Variants in ASH1L observed in about 807,000 individuals in gnomAD.
ASH1L encodes the protein histone-lysine N-methyltransferase ASH1L.
Under a neutral mutation model 269.0 loss-of-function variants are expected in ASH1L, and 23 were observed. The observed-to-expected ratio is 0.09, with a 90% CI of 0.06 to 0.12. ASH1L has a LOEUF of 0.12. Among genes scored for constraint, ASH1L ranks in the 10% least tolerant of loss-of-function variants. The probability of loss-of-function intolerance (pLI) is 1.00; values close to 1 mark genes in which losing one functional copy is unlikely to be tolerated. For synonymous variants in ASH1L, 1,187 were observed against 1,253.5 expected (o/e 0.95, Z 1.12); for missense variants, 2,912 against 3,567.8 (o/e 0.82, Z 4.68).
chr1:155,343,234 G>T lies in ASH1L; in HGVS notation c.8293+80C>A. 6.7e-7 allele frequency: 1 copy of T among 1,486,170 alleles called. No individual in the cohort carries two copies. The highest frequency in any genetic ancestry group is 9.1e-7 in the Non-Finnish European group (1 of 1,097,910). 92.1% of individuals were successfully genotyped at this position (1,486,170 alleles called of 1,614,324 possible). ...GGGCTTAAGCAATCTGCCTGCCTCG[G>T]CCTCCCACACCGCTGGGATTATCAG... On this transcript the variant is annotated intron_variant, in intron 24 of 27. Transcript: ENST00000392403. This position sits in a 1 kb window ranked among gnomAD's most constrained non-coding sequence, Gnocchi z 6.1.
chr1:155,429,181 C>G (rs1661417764), intron 5 of ASH1L, among the ~76,000 whole-genome samples: 1 of 152,150 alleles, frequency 6.6e-6, no homozygotes, highest in Non-Finnish European at 1.5e-5. Context: ...AAAACTACAG[C>G]AACATGCATT....
intron 1 of ASH1L, among the ~76,000 whole-genome samples, chr1:155,527,721 ACT>A (rs1415772367): frequency 1.3e-5 from 2 of 151,276 alleles, no homozygotes; most frequent in South Asian, 2.1e-4. Flanking sequence ...ATTTTTTTTC[ACT>A]GTTTTAGAGA....
At chr1:155,517,604 C>T (rs1475379155) in intron 2 of ASH1L, among the ~76,000 whole-genome samples, 1 of 151,570 alleles carries the variant, frequency 6.6e-6, no homozygotes, top group Middle Eastern at 3.2e-3. Context: ...GATCATGCCA[C>T]TGTACTCCAG....
At chr1:155,489,877 T>G (rs944404739) in intron 2 of ASH1L, among the ~76,000 whole-genome samples, 1 of 152,116 alleles carries the variant, frequency 6.6e-6, no homozygotes, top group Non-Finnish European at 1.5e-5. Context: ...CTTTCCATAC[T>G]TGTTCAATTA....
chr1:155,451,990 G>A (rs1474357455), intron 4 of ASH1L, among the ~76,000 whole-genome samples: 2 of 152,108 alleles, frequency 1.3e-5, no homozygotes, highest in African/African-American at 4.8e-5. Flanking sequence ...CAAAGTGCTG[G>A]GATTACAGAC....
chr1:155,449,498 AAAG>A (rs1197354269), intron 4 of ASH1L, among the ~76,000 whole-genome samples: 1 of 152,094 alleles, frequency 6.6e-6, no homozygotes, highest in African/African-American at 2.4e-5. Context: ...ACGCACTTCA[AAAG>A]AATATGAGAA....
chr1:155,517,959 C>T (rs2148833226), intron 2 of ASH1L, among the ~76,000 whole-genome samples: 1 of 151,368 alleles, frequency 6.6e-6, no homozygotes, highest in East Asian at 2.0e-4. Context: ...CGCCACTACG[C>T]CCGGCTAATT....
chr1:155,364,941 A>C (rs1655276380), intron 12 of ASH1L, among the ~76,000 whole-genome samples: 1 of 151,628 alleles, frequency 6.6e-6, no homozygotes, highest in Non-Finnish European at 1.5e-5. Flanking sequence ...AAAAAAAAAA[A>C]AAGGCTGCTC....
chr1:155,423,433 G>A (rs933504269), intron 5 of ASH1L, among the ~76,000 whole-genome samples: 5 of 152,014 alleles, frequency 3.3e-5, no homozygotes, highest in Non-Finnish European at 7.4e-5. Context: ...CAAAAAATTA[G>A]CCGGGTGCGG....
At chr1:155,405,310 C>G (rs551054889) in intron 6 of ASH1L, among the ~76,000 whole-genome samples, 2 of 151,948 alleles carry the variant, frequency 1.3e-5, no homozygotes, top group South Asian at 4.2e-4. Context: ...TGGTGAAACC[C>G]TGTCTCTACA....
chr1:155,521,394 G>C lies in ASH1L; in HGVS notation c.126C>G (p.Asn42Lys), dbSNP rs1468050249. 1.2e-6 allele frequency: 2 copies of C among 1,614,020 alleles called. No individual in the cohort carries two copies. Among genetic ancestry groups the C allele is most frequent in the Non-Finnish European group, 1.7e-6 (2 of 1,180,008 alleles). ...VSKREVELEK[N>K]TKEEEDLRKR... Reference sequence around the variant, plus strand: ...TGCGAAGGTCCTCTTCCTCCTTTGTGTTTTTTTCTAGCTCTACTTCTCTCT... The same window carrying C: ...TGCGAAGGTCCTCTTCCTCCTTTGTCTTTTTTTCTAGCTCTACTTCTCTCT... The change falls in exon 2 of 28, where the codon AAC becomes AAG. Residue 42 changes from asparagine (N) to lysine (K), a missense_variant. Asn to Lys is a moderately conservative substitution (Grantham distance 94). Around this residue, in one of 13 missense-constraint regions of ASH1L, gnomAD observed 115 missense variants for 101.5 expected, o/e 1.13. Coordinates refer to ENST00000392403, the MANE Select transcript of ASH1L (RefSeq NM_018489.3).
At chr1:155,376,633 C>T (rs1320776664) in intron 10 of ASH1L, among the ~76,000 whole-genome samples, 3 of 151,660 alleles carry the variant, frequency 2.0e-5, no homozygotes, top group Non-Finnish European at 2.9e-5. Flanking sequence ...GAGCTGAGAT[C>T]GTGCCACCGC....
chr1:155,403,877 G>A (rs1659049796), intron 6 of ASH1L, among the ~76,000 whole-genome samples: 1 of 150,618 alleles, frequency 6.6e-6, no homozygotes, highest in African/African-American at 2.4e-5. Context: ...GCCAATAAAG[G>A]CCGTTCCTAC....
Position 155,481,466 on chromosome 1 carries a change from A to G in ASH1L, c.1404T>C (p.Asn468=). The stretch of plus-strand genomic sequence containing the variant: ...TGCTTTCTTTATTCTGCCGTACAAC[A>G]TTCTTTTCAAAAGTTTTGCTGGTGG... The part of the protein sequence containing the change: ...DSATSKTFEK[N]VVRQNKESIL... Residue 468 remains asparagine, a synonymous_variant, in exon 3 of 28, where the codon AAT becomes AAC. Coordinates refer to ENST00000392403, the MANE Select transcript of ASH1L (RefSeq NM_018489.3). 3.1e-6 allele frequency: 5 copies of G among 1,614,070 alleles called. No individual in the cohort carries two copies. Among genetic ancestry groups the G allele is most frequent in the Non-Finnish European group, 4.2e-6 (5 of 1,179,996 alleles).
intron 2 of ASH1L, among the ~76,000 whole-genome samples, chr1:155,514,341 C>T (rs1292440524): frequency 6.6e-6 from 1 of 152,140 alleles, no homozygotes; most frequent in Non-Finnish European, 1.5e-5. Flanking sequence ...CATACATATA[C>T]ACACATTTAT....
rs763050519 is a variant in ASH1L, at chr1:155,562,764, G to A, written c.-711C>T. The A allele has an allele frequency of 9.3e-6, 9 of 971,806 alleles. No individual in the cohort carries two copies. The South Asian group carries it at 1.1e-4, about 12-fold the overall frequency. 60.2% of individuals were successfully genotyped at this position (971,806 alleles called of 1,614,324 possible). On this transcript the variant is annotated 5_prime_UTR_variant, in exon 1 of 28. Coordinates refer to ENST00000392403, the MANE Select transcript of ASH1L (RefSeq NM_018489.3). Reference sequence around the variant, plus strand: ...GCCCTGTCAAGCCGGCGCCGGCGCAGGCCCTCACGCGTACCTTCAACGGCG... The same window carrying A: ...GCCCTGTCAAGCCGGCGCCGGCGCAAGCCCTCACGCGTACCTTCAACGGCG...
chr1:155,438,758 T>C lies in ASH1L; in HGVS notation c.5397A>G (p.Val1799=). ...SCSPHHIKRS[V]VEAMQRQARK... ...GAGCTTGGCGTTGCATAGCTTCCAC[T>C]ACACTTCTCTTGATATGATGGGGGG... is the stretch of plus-strand genomic sequence containing the variant. The change falls in exon 5 of 28, where the codon GTA becomes GTG. Residue 1799 remains valine, a synonymous_variant. Transcript: ENST00000392403. 6.2e-7 allele frequency: 1 copy of C among 1,614,210 alleles called. No individual in the cohort carries two copies. Among genetic ancestry groups the C allele is most frequent in the Non-Finnish European group, 8.5e-7 (1 of 1,180,032 alleles).
At position 155,557,837 on chromosome 1, in the gene ASH1L, A is replaced by G. The variant is rs891665292; in HGVS notation, c.-100+4316T>C. Among the ~76,000 whole-genome samples the G allele has an allele frequency of 2.0e-5, 3 of 152,222 alleles. No homozygotes were observed. The South Asian group carries it at 6.2e-4, about 32-fold the overall frequency. ...AACAAAACAAAAATGAACTAGTTGCATTTCCACCTCTTGCGGCACCCAGGT... is the reference window on the plus strand; with the variant it reads ...AACAAAACAAAAATGAACTAGTTGCGTTTCCACCTCTTGCGGCACCCAGGT... On this transcript the variant is annotated intron_variant, in intron 1 of 27. Transcript: ENST00000392403.
chr1:155,486,866 AAAG>A (rs1161131042), intron 2 of ASH1L, among the ~76,000 whole-genome samples: 2 of 151,968 alleles, frequency 1.3e-5, no homozygotes, highest in Non-Finnish European at 2.9e-5. Flanking sequence ...AAAAAAAAAA[AAAG>A]AAAAAAAAAG....
Sources: gnomAD v4.1 joint callset for allele counts (sites outside exome capture counted in the v4.1 genomes callset) on GRCh38, gnomAD v4.1.1 for gene constraint, gnomAD v4.1.1 regional missense constraint, Gnocchi (gnomAD v3.1) non-coding constraint, MANE v1.5 for transcripts, NCBI Gene and HGNC (gene_info 2026-07-23, HGNC 2026-07-21) for gene names.